FRYL: variants seen among roughly 807,000 people sequenced by gnomAD.
FRYL encodes protein furry homolog-like.
A neutral mutation model predicts 351.2 loss-of-function variants in FRYL; 150 were observed. That is an observed-to-expected ratio of 0.43 (90% CI 0.37 to 0.49). The LOEUF is 0.49. FRYL is among the 20% of genes least tolerant of loss of function. The pLI, the probability that FRYL is intolerant of heterozygous loss-of-function variation, is 0.00. For synonymous variants in FRYL, 1,153 were observed against 1,257.1 expected (o/e 0.92, Z 1.75); for missense variants, 3,036 against 3,619.3 (o/e 0.84, Z 4.13).
chr4:48,672,176 A>G (rs915124719), intron 3 of FRYL, among the ~76,000 whole-genome samples: 2 of 152,222 alleles, frequency 1.3e-5, no homozygotes, highest in Non-Finnish European at 2.9e-5. Flanking sequence ...TAGAAAGAAG[A>G]TATGATTCAA....
At chr4:48,655,979 TATA>T (rs1262798650) in intron 3 of FRYL, among the ~76,000 whole-genome samples, 6 of 139,002 alleles carry the variant, frequency 4.3e-5, no homozygotes, top group Non-Finnish European at 6.0e-5. Flanking sequence ...GTGCATTATA[TATA>T]ATGTGCAATA....
Position 48,570,809 on chromosome 4 carries a change from T to C in FRYL, c.2996+18A>G, listed in dbSNP as rs1341003023. The C allele has an allele frequency of 1.9e-5, 30 of 1,556,842 alleles. No homozygotes were observed. The highest frequency in any genetic ancestry group is 2.3e-5 in the Non-Finnish European group (26 of 1,128,088). On this transcript the variant is annotated intron_variant, in intron 27 of 63. Transcript: ENST00000358350. Reference sequence around the variant, plus strand: ...TAGGATCATTCCAGAGTTTTAACAATGTGAATCCAATACTGACCTGTGACT... The same window carrying C: ...TAGGATCATTCCAGAGTTTTAACAACGTGAATCCAATACTGACCTGTGACT...
chr4:48,596,670 G>A (rs1053874545), intron 13 of FRYL, among the ~76,000 whole-genome samples: 2 of 152,018 alleles, frequency 1.3e-5, no homozygotes, highest in African/African-American at 2.4e-5. Flanking sequence ...TGTATTAAAC[G>A]TTCATTGACT....
chr4:48,698,461 TTACACAA>T (rs1292086600), intron 2 of FRYL, among the ~76,000 whole-genome samples: 1 of 152,192 alleles, frequency 6.6e-6, no homozygotes, highest in Non-Finnish European at 1.5e-5. Context: ...ACCCTCTGAG[TTACACAA>T]CAGCTCCTGG....
chr4:48,687,492 C>CGGGGGGGGAGGGGGGGGGG (rs1765255553), intron 2 of FRYL, among the ~76,000 whole-genome samples: 1 of 46,568 alleles, frequency 2.1e-5, no homozygotes, highest in Non-Finnish European at 3.7e-5. Flanking sequence ...CAAATGAGGT[C>CGGGGGGGGAGGGGGGGGGG]GGGGGGGGGG....
chr4:48,647,774 T>C (rs1416471501), intron 3 of FRYL, among the ~76,000 whole-genome samples: 1 of 152,154 alleles, frequency 6.6e-6, no homozygotes, highest in Non-Finnish European at 1.5e-5. Context: ...GTTGTTTACT[T>C]AATAGTACAA....
At chr4:48,730,714 A>T (rs754787361) in intron 1 of FRYL, among the ~76,000 whole-genome samples, 4 of 152,224 alleles carry the variant, frequency 2.6e-5, no homozygotes, top group Non-Finnish European at 5.9e-5. Flanking sequence ...CCTGCCTTAC[A>T]ACAGCTCCTG....
chr4:48,744,343 G>T (rs1338118997), intron 1 of FRYL, among the ~76,000 whole-genome samples: 1 of 152,056 alleles, frequency 6.6e-6, no homozygotes, highest in Admixed American at 6.6e-5. Flanking sequence ...TTGAAGGAGG[G>T]GAAGGAGAGA....
chr4:48,694,125 C>T (rs1262790273), intron 2 of FRYL, among the ~76,000 whole-genome samples: 2 of 151,816 alleles, frequency 1.3e-5, no homozygotes, highest in Non-Finnish European at 2.9e-5. Context: ...GGCATGACAG[C>T]AAGAGAGCAC....
In FRYL at chr4:48,623,145, T is replaced by C. The variant is rs754436959; in HGVS notation, c.155A>G (p.Glu52Gly). Residue 52 changes from glutamate (E) to glycine (G), a missense_variant, in exon 5 of 64, where the codon GAA becomes GGA. Coordinates refer to ENST00000358350, the MANE Select transcript of FRYL (RefSeq NM_015030.2). ...TCATACCTGATCAAACTGAAGATCT[T>C]CACCCCTCTGAAGAGATCTGGACAA... ...KLLSRSLQRG[E>G]DLQFDQLISS... is the part of the protein sequence containing the mutation. The C allele has an allele frequency of 6.3e-7, 1 of 1,579,912 alleles. No homozygotes were observed. Among genetic ancestry groups the C allele is most frequent in the Admixed American group, 1.9e-5 (1 of 53,968 alleles).
rs1405254697 is a variant in FRYL at position 48,549,968 on chromosome 4, T to A, written c.4634-345A>T. ...GGCCTTCTGGTAAGTTATTCAGTTCTAAATATCCTGAGATAGGGCCAACAC... is the reference window on the plus strand; with the variant it reads ...GGCCTTCTGGTAAGTTATTCAGTTCAAAATATCCTGAGATAGGGCCAACAC... On this transcript the variant is annotated intron_variant, in intron 38 of 63. Transcript: ENST00000358350. The surrounding 1 kb of genome is among the most constrained non-coding windows in gnomAD (Gnocchi z 4.2). 6.6e-6 allele frequency among the ~76,000 whole-genome samples: 1 copy of A among 152,224 alleles called. No individual in the cohort carries two copies. Among genetic ancestry groups the A allele is most frequent in the African/African-American group, 2.4e-5 (1 of 41,462 alleles).
chr4:48,671,878 A>AAAAAAAAAAAAAAAAG (rs1762807928), intron 3 of FRYL, among the ~76,000 whole-genome samples: 1 of 147,130 alleles, frequency 6.8e-6, no homozygotes, highest in Non-Finnish European at 1.5e-5. Context: ...AAAAACAAAA[A>AAAAAAAAAAAAAAAAG]AAAAAAAAAA....
chr4:48,561,387 A>T, intron 33 of FRYL, 81 bp downstream of exon 33: 1 of 937,308 alleles, frequency 1.1e-6, no homozygotes, highest in Non-Finnish European at 1.5e-6. Flanking sequence ...CCTGTAATTT[A>T]ATAAATTTAT....
At position 48,595,241 on chromosome 4, in the gene FRYL, G is replaced by C. The variant is rs190662358; in HGVS notation, c.1248+349C>G. On this transcript the variant is annotated intron_variant, in intron 15 of 63. Coordinates refer to ENST00000358350, the MANE Select transcript of FRYL (RefSeq NM_015030.2). ...TCTCTGAGCTATCTATATTCCTTTC[G>C]AGGTCCCTTTGGGTTTAACTAGCTA... Among the ~76,000 whole-genome samples the C allele has an allele frequency of 3.2e-4, 49 of 152,172 alleles. 1 individual carries two copies. The highest frequency in any genetic ancestry group is 3.4e-3 in the Middle Eastern group (1 of 294).
In FRYL at chr4:48,579,287, T is replaced by C. The variant is rs367939638; in HGVS notation, c.2260-46A>G. On this transcript the variant is annotated intron_variant, in intron 22 of 63. Coordinates refer to ENST00000358350, the MANE Select transcript of FRYL (RefSeq NM_015030.2). ...TGATTATTACACATTTCAATAACTT[T>C]GAAATTTTACCATATAAATTGCTTT... 834 of 1,484,644 alleles carry C rather than the reference T, an allele frequency of 5.6e-4. 4 individuals are homozygous for C. The South Asian group carries it at 5.9e-3, about 10-fold the overall frequency. The allele number at this position is 1,484,644 out of a possible 1,614,324, so 92.0% of individuals were successfully genotyped here.
intron 15 of FRYL, among the ~76,000 whole-genome samples, chr4:48,595,152 C>T (rs1278770205): frequency 6.6e-6 from 1 of 152,132 alleles, no homozygotes; most frequent in Non-Finnish European, 1.5e-5. Context: ...TTTATTTTGG[C>T]CAAGGTAGCA....
chr4:48,652,209 T>C (rs1212349062), intron 3 of FRYL, among the ~76,000 whole-genome samples: 1 of 152,224 alleles, frequency 6.6e-6, no homozygotes, highest in Non-Finnish European at 1.5e-5. Flanking sequence ...CACAAGTACC[T>C]AAACAAAGTT....
rs1400941054 is a variant in FRYL at position 48,515,150 on chromosome 4, C to A, written c.7815G>T (p.Met2605Ile). The A allele has an allele frequency of 1.2e-6, 2 of 1,614,014 alleles. No individual in the cohort carries two copies. Among genetic ancestry groups the A allele is most frequent in the South Asian group, 1.1e-5 (1 of 91,078 alleles). ...QGILDLEETE[M>I]PEPLAPESYP... ...AACTTTCAGGAGCTAGAGGCTCTGG[C>A]ATTTCAGTTTCTTCTAAATCAAGAA... Residue 2605 changes from methionine (M) to isoleucine (I), a missense_variant, in exon 56 of 64, where the codon ATG (methionine) becomes ATT (isoleucine). This residue lies in a region of FRYL where 1,987 missense variants were observed against 2,311.7 expected (regional missense o/e 0.86). Coordinates refer to ENST00000358350, the MANE Select transcript of FRYL (RefSeq NM_015030.2).
In FRYL at chr4:48,772,738, T is replaced by C. The variant is rs567270609; in HGVS notation, c.-384+7340A>G. Among the ~76,000 whole-genome samples the C allele has an allele frequency of 7.5e-5, 6 of 80,312 alleles. No individual in the cohort carries two copies. The South Asian group carries it at 1.3e-3, about 17-fold the overall frequency. 52.7% of individuals were successfully genotyped at this position (80,312 alleles called of 152,430 possible). ...AAACAAGAATTCTGAGAAGTGGAAATACTACACTGAAATCCATTCAGGCAA... is the reference window on the plus strand; with the variant it reads ...AAACAAGAATTCTGAGAAGTGGAAACACTACACTGAAATCCATTCAGGCAA... On this transcript the variant is annotated intron_variant, in intron 1 of 63. Transcript: ENST00000358350.
Sources: gnomAD v4.1 joint callset for allele counts (sites outside exome capture counted in the v4.1 genomes callset) on GRCh38, gnomAD v4.1.1 for gene constraint, gnomAD v4.1.1 regional missense constraint, Gnocchi (gnomAD v3.1) non-coding constraint, MANE v1.5 for transcripts, NCBI Gene and HGNC (gene_info 2026-07-23, HGNC 2026-07-21) for gene names.